The following CDH23 variants were observed in gnomAD, a reference collection of about 807,000 sequenced individuals.
The protein encoded by CDH23 is cadherin-23.
A neutral mutation model predicts 317.1 loss-of-function variants in CDH23; 189 were observed. That is an observed-to-expected ratio of 0.60 (90% CI 0.53 to 0.67). CDH23 has a LOEUF of 0.67. Among genes scored for constraint, CDH23 ranks in the 30% least tolerant of loss-of-function variants. CDH23 has a pLI of 0.00. For missense variants in CDH23, 4,401 were observed against 4,592.4 expected, an observed-to-expected ratio of 0.96 and a Z score of 1.20; for synonymous variants, 1,839 against 1,876.8, an observed-to-expected ratio of 0.98 and a Z score of 0.52.
In CDH23 at chr10:71,740,040, G is replaced by C. The variant is rs1277317410; in HGVS notation, c.4488+268G>C. On this transcript the variant is annotated intron_variant, in intron 36 of 69. Transcript: ENST00000224721. ...CTGCTGTAAGAGCCAGGAGGATGAG[G>C]GAGAGCCTGGTGGAGCTGGGAGAGC... 2.6e-5 allele frequency among the ~76,000 whole-genome samples: 4 copies of C among 152,208 alleles called. No homozygotes were observed. In the East Asian group the frequency reaches 7.7e-4, roughly 29 times the overall value.
chr10:71,696,778 T>G (rs1242307385), intron 22 of CDH23, among the ~76,000 whole-genome samples: 1 of 152,220 alleles, frequency 6.6e-6, no homozygotes. Flanking sequence ...ATCTGGAATC[T>G]GCGATTTTTT....
At chr10:71,583,735 T>G (rs1172203211) in intron 9 of CDH23, among the ~76,000 whole-genome samples, 1 of 152,192 alleles carries the variant, frequency 6.6e-6, no homozygotes, top group African/African-American at 2.4e-5. Context: ...CCCTGTTTAT[T>G]GGGTGCCTGC....
intron 38 of CDH23, among the ~76,000 whole-genome samples, chr10:71,745,782 T>C (rs1839841172): frequency 6.6e-6 from 1 of 152,156 alleles, no homozygotes; most frequent in African/African-American, 2.4e-5. Context: ...CAGCCCCTCC[T>C]AGAGCAACCA....
At chr10:71,698,194 A>G (rs191777829) in intron 22 of CDH23, among the ~76,000 whole-genome samples, 132 of 152,352 alleles carry the variant, frequency 8.7e-4, no homozygotes, top group African/African-American at 3.1e-3. Context: ...GAAATCAAGA[A>G]GCTTATATGT....
chr10:71,773,529 G>A (rs1475232326), intron 38 of CDH23: 6 of 1,276,902 alleles, frequency 4.7e-6, no homozygotes, highest in Non-Finnish European at 1.1e-6. Flanking sequence ...CTGAGTGCGA[G>A]CGAGTGAGCG....
At chr10:71,427,411 G>T (rs1207179551) in intron 1 of CDH23, among the ~76,000 whole-genome samples, 3 of 152,088 alleles carry the variant, frequency 2.0e-5, no homozygotes, top group Non-Finnish European at 1.5e-5. Context: ...ATAATATGTG[G>T]TCCTTGGTGA....
chr10:71,760,279 ATG>A (rs1840339540), intron 38 of CDH23, among the ~76,000 whole-genome samples: 3 of 112,726 alleles, frequency 2.7e-5, no homozygotes, highest in Admixed American at 9.8e-5. Flanking sequence ...ATATATATGT[ATG>A]TATATATGTG....
At position 71,583,442 on chromosome 10, in the gene CDH23, G is replaced by A. The variant is rs562613183; in HGVS notation, c.832+5450G>A. ...ACTGTGGTCAAGGTGGAGCAGACAG[G>A]TTGGGGGACAGCAGGTAGGAGCAGG... On this transcript the variant is annotated intron_variant, in intron 9 of 69. Transcript: ENST00000224721. Among the ~76,000 whole-genome samples the A allele has an allele frequency of 1.4e-4, 21 of 152,208 alleles. No homozygotes were observed. The South Asian group carries it at 3.5e-3, about 26-fold the overall frequency.
At chr10:71,554,421 C>G (rs535216122) in intron 6 of CDH23, among the ~76,000 whole-genome samples, 2 of 151,588 alleles carry the variant, frequency 1.3e-5, no homozygotes, top group East Asian at 3.9e-4. Context: ...TGGTCTCCAA[C>G]TCCTGGGCTC....
chr10:71,565,366 G>C (rs975361842), intron 6 of CDH23, among the ~76,000 whole-genome samples: 11 of 152,124 alleles, frequency 7.2e-5, no homozygotes, highest in Admixed American at 6.5e-4. Context: ...AGAGCTGGAG[G>C]GGGTAGAGGA....
At chr10:71,553,069 T>C (rs549708277) in intron 6 of CDH23, among the ~76,000 whole-genome samples, 2 of 152,230 alleles carry the variant, frequency 1.3e-5, no homozygotes, top group South Asian at 4.2e-4. Context: ...CATGAGAACT[T>C]GATGGGAATT....
intron 11 of CDH23, among the ~76,000 whole-genome samples, chr10:71,622,214 T>C (rs370892213): frequency 3.9e-5 from 6 of 152,234 alleles, no homozygotes; most frequent in South Asian, 2.1e-4. Flanking sequence ...TCCTATAATG[T>C]ATATATCCTT....
chr10:71,403,363 CTT>C (rs1392090183), intron 1 of CDH23, among the ~76,000 whole-genome samples: 1 of 104,104 alleles, frequency 9.6e-6, no homozygotes, highest in Non-Finnish European at 1.8e-5. Flanking sequence ...TTCTTTCTTT[CTT>C]TCTTTCTTTC....
At chr10:71,738,458 G>A (rs771307764) in intron 34 of CDH23, 40 bp from the exon 35 acceptor site, 2 of 1,613,532 alleles carry the variant, frequency 1.2e-6, no homozygotes, top group Non-Finnish European at 8.5e-7. Flanking sequence ...GGCCAAGGAG[G>A]GGAAGGAGGC....
intron 38 of CDH23, among the ~76,000 whole-genome samples, chr10:71,758,261 G>A (rs564071934): frequency 1.3e-5 from 2 of 152,314 alleles, no homozygotes; most frequent in South Asian, 2.1e-4. Context: ...GTTTTGTTGG[G>A]TCCGTGGTTT....
chr10:71,514,601 G>A (rs891539988), intron 6 of CDH23, among the ~76,000 whole-genome samples: 1 of 152,132 alleles, frequency 6.6e-6, no homozygotes, highest in Admixed American at 6.5e-5. Context: ...AGCTGGGCAG[G>A]TGTGTGTTTG....
At chr10:71,489,881 T>G (rs865979804) in intron 3 of CDH23, among the ~76,000 whole-genome samples, 28 of 152,176 alleles carry the variant, frequency 1.8e-4, no homozygotes, top group African/African-American at 6.3e-4. Context: ...AGAGTCACGT[T>G]CCCCTCTCTA....
Position 71,724,076 on chromosome 10 carries a change from T to C in CDH23, c.3401T>C (p.Phe1134Ser). The change falls in exon 29 of 70, where the codon TTT (phenylalanine) becomes TCT (serine). Residue 1134 changes from phenylalanine (F) to serine (S), a missense_variant. Phe to Ser is a radical substitution (Grantham distance 155). Transcript: ENST00000224721. ...GCCACGGACGCAGATGAGGGCGAGT[T>C]TGGGCGTGTGTGGTACCGCATCCTC... ...LKATDADEGE[F>S]GRVWYRILHG... The C allele has an allele frequency of 6.4e-7, 1 of 1,560,344 alleles. No homozygotes were observed.
At chr10:71,455,411 T>C (rs1415618981) in intron 3 of CDH23, among the ~76,000 whole-genome samples, 2 of 152,188 alleles carry the variant, frequency 1.3e-5, no homozygotes, top group Middle Eastern at 3.2e-3. Flanking sequence ...TGTGGAACTG[T>C]TTGGGCAAAT....
Sources: gnomAD v4.1 joint callset for allele counts (sites outside exome capture counted in the v4.1 genomes callset) on GRCh38, gnomAD v4.1.1 for gene constraint, MANE v1.5 for transcripts, NCBI Gene and HGNC (gene_info 2026-07-23, HGNC 2026-07-21) for gene names.